ABCA5: variants seen among roughly 807,000 people sequenced by gnomAD.
ABCA5 encodes the protein cholesterol transporter ABCA5.
ABCA5 carries 163 observed loss-of-function variants against 206.0 expected under a neutral mutation model. That is an observed-to-expected ratio of 0.79 (90% CI 0.70 to 0.90). The LOEUF is 0.90. Ranked by LOEUF, ABCA5 falls within the 40% of genes least tolerant of loss-of-function variation. ABCA5 has a pLI of 0.00. For synonymous variants in ABCA5, 609 were observed against 613.8 expected, an observed-to-expected ratio of 0.99 and a Z score of 0.11; for missense variants, 1,859 against 1,912.9, an observed-to-expected ratio of 0.97 and a Z score of 0.53.
At chr17:69,301,503 T>C (rs1167201670) in intron 8 of ABCA5, among the ~76,000 whole-genome samples, 1 of 152,168 alleles carries the variant, frequency 6.6e-6, no homozygotes, top group Non-Finnish European at 1.5e-5. Context: ...CTTTCAATCA[T>C]GTTTTTAATG....
At chr17:69,288,135 C>G (rs929645212) in intron 14 of ABCA5, among the ~76,000 whole-genome samples, 2 of 152,044 alleles carry the variant, frequency 1.3e-5, no homozygotes, top group Non-Finnish European at 2.9e-5. Flanking sequence ...CAATTTGTTT[C>G]AAGACTATTT....
Position 69,247,644 on chromosome 17 carries a change from C to A in ABCA5, c.4822G>T (p.Val1608Phe). The part of the protein sequence containing the change: ...YSFSQATLEQ[V>F]FVELTKEQEE... ...TGTTCTTTAGTGAGTTCTACAAAAA[C>A]CTAGGTGAAAAGAAATAAATGAATA... The change falls in exon 39 of 39, where the codon GTT becomes TTT. Residue 1608 changes from valine to phenylalanine, a missense_variant and splice_region_variant. Val to Phe is a conservative substitution (Grantham distance 50). Coordinates refer to ENST00000392676, the MANE Select transcript of ABCA5 (RefSeq NM_172232.4). 4 of 1,586,754 alleles carry A rather than the reference C, an allele frequency of 2.5e-6. No individual in the cohort carries two copies. Among genetic ancestry groups the A allele is most frequent in the South Asian group, 2.3e-5 (2 of 88,158 alleles).
At chr17:69,293,358 A>C (rs1456056710) in intron 11 of ABCA5, among the ~76,000 whole-genome samples, 1 of 151,884 alleles carries the variant, frequency 6.6e-6, no homozygotes, top group Non-Finnish European at 1.5e-5. Context: ...CAGGCTGGAA[A>C]CTCACGCAAG....
chr17:69,294,864 T>C (rs1028686697), intron 10 of ABCA5, 151 bp from the exon 11 acceptor site: 1 of 516,126 alleles, frequency 1.9e-6, no homozygotes, highest in African/African-American at 1.9e-5. Flanking sequence ...ATGAACCAAA[T>C]AATGTTGATA....
chr17:69,294,339 T>A lies in ABCA5; in HGVS notation c.1495+316A>T, dbSNP rs139331316. On this transcript the variant is annotated intron_variant, in intron 11 of 38. Coordinates refer to ENST00000392676, the MANE Select transcript of ABCA5 (RefSeq NM_172232.4). ...GGAGTTTGAGACCAGCCTGGCCAAC[T>A]TGGTGAAACCCCGTCTCCACAAAAA... 7.4e-3 allele frequency among the ~76,000 whole-genome samples: 1,128 copies of A among 151,898 alleles called. 19 individuals carry two copies. The highest frequency in any genetic ancestry group is 0.025 in the African/African-American group (1,056 of 41,432).
Position 69,251,855 on chromosome 17 carries a change from C to G in ABCA5, c.4427G>C (p.Arg1476Pro). The G allele has an allele frequency of 6.2e-7, 1 of 1,612,830 alleles. No individual in the cohort carries two copies. Among genetic ancestry groups the G allele is most frequent in the Non-Finnish European group, 8.5e-7 (1 of 1,179,730 alleles). Residue 1476 changes from arginine to proline, a missense_variant, in exon 35 of 39, where the codon CGA (arginine) becomes CCA (proline). Coordinates refer to ENST00000392676, the MANE Select transcript of ABCA5 (RefSeq NM_172232.4). ...CCGCTTTCTGTTTTTAAATGCAGTT[C>G]GAATTGCTCGCCTATAAAACATAAA... Reference protein sequence around the residue: ...KAKQHMWRAIRTAFKNRKRAA... With the variant: ...KAKQHMWRAIPTAFKNRKRAA...
At position 69,264,740 on chromosome 17, in the gene ABCA5, C is replaced by T. The variant is rs2075189227; in HGVS notation, c.3310G>A (p.Ala1104Thr). Residue 1104 changes from alanine to threonine, a missense_variant, in exon 24 of 39, where the codon GCT becomes ACT. Coordinates refer to ENST00000392676, the MANE Select transcript of ABCA5 (RefSeq NM_172232.4). ...TACAACTAACGTTAACTTACCACAG[C>T]AAGGAACTTTACAGTATAAAAATAT... ...GLYFYTVKFLAVVFCLIGYVP... is the reference protein window; with the variant it reads ...GLYFYTVKFLTVVFCLIGYVP... 2.0e-6 allele frequency: 3 copies of T among 1,533,210 alleles called. No homozygotes were observed. Among genetic ancestry groups the T allele is most frequent in the Non-Finnish European group, 2.6e-6 (3 of 1,143,666 alleles). The allele number at this position is 1,533,210 out of a possible 1,614,324, so 95.0% of individuals were successfully genotyped here.
chr17:69,247,944 A>T (rs1416231549), intron 38 of ABCA5, among the ~76,000 whole-genome samples: 1 of 152,148 alleles, frequency 6.6e-6, no homozygotes, highest in Non-Finnish European at 1.5e-5. Context: ...CAAAATGAAA[A>T]AAACAGATAT....
intron 14 of ABCA5, among the ~76,000 whole-genome samples, chr17:69,288,016 AAAAAC>A (rs1441403830): frequency 2.5e-4 from 38 of 152,228 alleles, no homozygotes; most frequent in Admixed American, 5.9e-4. Context: ...CAAACAAACT[AAAAAC>A]AAAACATTAA....
At chr17:69,274,163 A>G (rs753938107) in intron 19 of ABCA5, 35 bp from the exon 20 acceptor site, 12 of 1,511,962 alleles carry the variant, frequency 7.9e-6, no homozygotes, top group African/African-American at 2.8e-5. Context: ...AGCTCAGGGT[A>G]CAAAGGTACA....
chr17:69,247,523 C>A lies in ABCA5; in HGVS notation c.*14G>T, dbSNP rs373160230. The A allele has an allele frequency of 1.3e-6, 2 of 1,533,270 alleles. No homozygotes were observed. Among genetic ancestry groups the A allele is most frequent in the Non-Finnish European group, 1.8e-6 (2 of 1,131,264 alleles). 95.0% of individuals were successfully genotyped at this position (1,533,270 alleles called of 1,614,324 possible). ...AAGAAAGAAGTCCCAGTAAGCAGACCGAACAATACAAATTCAAAATACTAC... is the reference window on the plus strand; with the variant it reads ...AAGAAAGAAGTCCCAGTAAGCAGACAGAACAATACAAATTCAAAATACTAC... On this transcript the variant is annotated 3_prime_UTR_variant, in exon 39 of 39. Coordinates refer to ENST00000392676, the MANE Select transcript of ABCA5 (RefSeq NM_172232.4).
chr17:69,277,422 T>G (rs2075345343), intron 19 of ABCA5, among the ~76,000 whole-genome samples: 1 of 152,186 alleles, frequency 6.6e-6, no homozygotes, highest in Non-Finnish European at 1.5e-5. Context: ...TTCCTCACTT[T>G]ATAGATGAGA....
chr17:69,253,685 G>T lies in ABCA5; in HGVS notation c.4321-18C>A, dbSNP rs537035226. On this transcript the variant is annotated intron_variant, in intron 33 of 38. Transcript: ENST00000392676. ...AAACACAACTACATGGAAAGAAAAA[G>T]ATGGGTGGGAAATTAACAAAGGTTC... The T allele has an allele frequency of 3.2e-4, 520 of 1,604,928 alleles. 12 individuals are homozygous for T. The South Asian group carries it at 5.5e-3, about 17-fold the overall frequency.
At chr17:69,317,122 T>G (rs1188861800) in intron 1 of ABCA5, 2 of 152,148 alleles carry the variant, frequency 1.3e-5, no homozygotes, top group Non-Finnish European at 2.9e-5. Flanking sequence ...AGTGGCTAGG[T>G]GCAGTGGCTC....
chr17:69,291,416 C>T, intron 11 of ABCA5, 90 bp from the exon 12 acceptor site: 2 of 726,460 alleles, frequency 2.8e-6, no homozygotes, highest in East Asian at 2.8e-5. Context: ...ATCTTCAAGG[C>T]ACTATATCTA....
chr17:69,308,449 C>T (rs371957244), intron 4 of ABCA5, 81 bp from the exon 5 acceptor site: 20 of 871,716 alleles, frequency 2.3e-5, no homozygotes, highest in African/African-American at 1.2e-4. Flanking sequence ...TGGAGAGATA[C>T]CTACCAAAAC....
At chr17:69,306,199 T>C (rs955991405) in intron 6 of ABCA5, among the ~76,000 whole-genome samples, 1 of 152,174 alleles carries the variant, frequency 6.6e-6, no homozygotes, top group African/African-American at 2.4e-5. Flanking sequence ...TTCTCATTTC[T>C]TTCTCTAAAA....
chr17:69,300,681 A>G (rs1258347511), intron 9 of ABCA5, among the ~76,000 whole-genome samples: 1 of 152,212 alleles, frequency 6.6e-6, no homozygotes, highest in Non-Finnish European at 1.5e-5. Flanking sequence ...GGTGTAGAAT[A>G]CAGACACAGG....
At chr17:69,297,064 T>G in intron 10 of ABCA5, 127 bp downstream of exon 10, 2 of 884,152 alleles carry the variant, frequency 2.3e-6, no homozygotes. Flanking sequence ...TAGCCCTTAT[T>G]AATGTTTTAA....
Sources: allele counts gnomAD v4.1 joint callset (sites outside exome capture counted in the v4.1 genomes callset), GRCh38; gene constraint gnomAD v4.1.1; transcripts MANE v1.5; gene names NCBI Gene and HGNC (gene_info 2026-07-23, HGNC 2026-07-21).